The following GIPC2 variants were observed in gnomAD, a reference collection of about 807,000 sequenced individuals.
The protein encoded by GIPC2 is PDZ domain-containing protein GIPC2.
In GIPC2, 30 loss-of-function variants were observed where a neutral mutation model predicts 30.6. That is an observed-to-expected ratio of 0.98 (90% CI 0.73 to 1.33). The LOEUF is 1.33. GIPC2 is among the 40% of genes most tolerant of loss of function. The pLI is 0.00. For missense variants in GIPC2, 414 were observed against 390.3 expected, an observed-to-expected ratio of 1.06 and a Z score of -0.51; for synonymous variants, 167 against 150.0, an observed-to-expected ratio of 1.11 and a Z score of -0.83.
In GIPC2 at chr1:78,097,135, G is replaced by T. The variant is rs114693243; in HGVS notation, c.607+2003G>T. On this transcript the variant is annotated intron_variant, in intron 3 of 5. Coordinates refer to ENST00000370759, the MANE Select transcript of GIPC2 (RefSeq NM_017655.6). ...CAGAGAGGGGAGCATATATCAGGGGGTACTTGGGGAATCAGGCTTCCCCCA... is the reference window on the plus strand; with the variant it reads ...CAGAGAGGGGAGCATATATCAGGGGTTACTTGGGGAATCAGGCTTCCCCCA... Among the ~76,000 whole-genome samples, 950 of 152,270 alleles carry T rather than the reference G, an allele frequency of 6.2e-3. 10 individuals carry two copies. The highest frequency in any genetic ancestry group is 0.022 in the African/African-American group (912 of 41,550).
intron 2 of GIPC2, 127 bp downstream of exon 2, chr1:78,080,987 A>G (rs868616832): frequency 6.1e-6 from 3 of 494,928 alleles, no homozygotes; most frequent in South Asian, 4.2e-5. Context: ...TGAATTGGTA[A>G]TGTTTCACTT....
chr1:78,101,058 G>A (rs765072893), intron 3 of GIPC2, among the ~76,000 whole-genome samples: 14 of 151,278 alleles, frequency 9.3e-5, no homozygotes, highest in Non-Finnish European at 1.3e-4. Context: ...TTGATTGGTC[G>A]CAGAAGCTAT....
In GIPC2 at chr1:78,046,283, C is replaced by G. The variant is rs1214305140; in HGVS notation, c.189C>G (p.Ile63Met). Residue 63 changes from isoleucine to methionine, a missense_variant, in exon 1 of 6, where the codon ATC becomes ATG. Transcript: ENST00000370759. Reference sequence around the variant, plus strand: ...GCCGAGTGGAGGGCTTCTCCAGCATCCAGGAGCTCTACGCCCAGATCGCGG... The same window carrying G: ...GCCGAGTGGAGGGCTTCTCCAGCATGCAGGAGCTCTACGCCCAGATCGCGG... ...ATGRVEGFSSIQELYAQIAGA... is the reference protein window; with the variant it reads ...ATGRVEGFSSMQELYAQIAGA... 1 of 1,612,032 alleles carries G rather than the reference C, an allele frequency of 6.2e-7. No individual in the cohort carries two copies. The highest frequency in any genetic ancestry group is 1.1e-5 in the South Asian group (1 of 90,942).
rs576423817 is a variant in GIPC2 at position 78,120,312 on chromosome 1, G to A, written c.714+813G>A. On this transcript the variant is annotated intron_variant, in intron 4 of 5. Coordinates refer to ENST00000370759, the MANE Select transcript of GIPC2 (RefSeq NM_017655.6). The stretch of plus-strand genomic sequence containing the variant: ...TCCTTGCTGTTCCCAAACACTCCAG[G>A]TGTATCCCCATCTCAGGCTCTCAGT... Among the ~76,000 whole-genome samples the A allele has an allele frequency of 5.9e-5, 9 of 152,214 alleles. No homozygotes were observed. The East Asian group carries it at 1.7e-3, about 29-fold the overall frequency.
chr1:78,129,528 A>G (rs937451965), intron 5 of GIPC2, among the ~76,000 whole-genome samples: 44 of 152,112 alleles, frequency 2.9e-4, no homozygotes, highest in African/African-American at 9.1e-4. Flanking sequence ...AAAAAAGATT[A>G]AGAGGTGTTT....
chr1:78,130,295 G>T (rs1408412877), intron 5 of GIPC2, among the ~76,000 whole-genome samples: 2 of 151,756 alleles, frequency 1.3e-5, no homozygotes, highest in East Asian at 3.9e-4. Context: ...GTAGAGATGG[G>T]GTTTCACCAT....
intron 1 of GIPC2, among the ~76,000 whole-genome samples, chr1:78,051,198 AG>A (rs1397673550): frequency 6.6e-6 from 1 of 152,132 alleles, no homozygotes; most frequent in African/African-American, 2.4e-5. Flanking sequence ...AAAAAAAAAA[AG>A]AAATGATGTC....
chr1:78,092,308 T>TTAATATTCC (rs1221637882), intron 2 of GIPC2, among the ~76,000 whole-genome samples: 1 of 152,196 alleles, frequency 6.6e-6, no homozygotes, highest in East Asian at 1.9e-4. Flanking sequence ...TAATGGAAGA[T>TTAATATTCC]ATTATAATAA....
chr1:78,108,778 G>A (rs984340585), intron 3 of GIPC2, among the ~76,000 whole-genome samples: 2 of 152,176 alleles, frequency 1.3e-5, no homozygotes, highest in African/African-American at 4.8e-5. Flanking sequence ...GGGAGCATGT[G>A]TTTATGGACA....
chr1:78,082,575 C>T (rs190313556), intron 2 of GIPC2, among the ~76,000 whole-genome samples: 4 of 152,294 alleles, frequency 2.6e-5, no homozygotes, highest in Admixed American at 1.3e-4. Flanking sequence ...GTTTCACAAA[C>T]GTGTGTGGAT....
chr1:78,096,920 A>G (rs1457981835), intron 3 of GIPC2, among the ~76,000 whole-genome samples: 2 of 152,026 alleles, frequency 1.3e-5, no homozygotes, highest in Non-Finnish European at 2.9e-5. Flanking sequence ...GTCTTTATGC[A>G]TTTTCTGTGC....
rs540942926 is a variant in GIPC2 at position 78,091,910 on chromosome 1, A to T, written c.427-3042A>T. ...TGATTCTGAAGCTACAACATTTTCCATTTTCTATTAACAACACTCTGTTCC... is the reference window on the plus strand; with the variant it reads ...TGATTCTGAAGCTACAACATTTTCCTTTTTCTATTAACAACACTCTGTTCC... On this transcript the variant is annotated intron_variant, in intron 2 of 5. Coordinates refer to ENST00000370759, the MANE Select transcript of GIPC2 (RefSeq NM_017655.6). 7 of 819,516 alleles carry T rather than the reference A, an allele frequency of 8.5e-6. No homozygotes were observed. In the East Asian group the frequency reaches 1.7e-4, roughly 20 times the overall value. The allele number at this position is 819,516 out of a possible 1,614,324, so 50.8% of individuals were successfully genotyped here. A position where few individuals can be genotyped will look rare whatever the true frequency, so the allele number is the denominator to read the frequency against.
chr1:78,137,175 G>A lies in GIPC2; in HGVS notation c.*1432G>A, dbSNP rs1335914728. On this transcript the variant is annotated 3_prime_UTR_variant, in exon 6 of 6. Coordinates refer to ENST00000370759, the MANE Select transcript of GIPC2 (RefSeq NM_017655.6). ...TAGTCATTAATGTGTAACAAAAGTA[G>A]CTTATAGAATATGGACTGCCTTATT... is the stretch of plus-strand genomic sequence containing the variant. 1 of 152,094 alleles carries A rather than the reference G, an allele frequency of 6.6e-6. No individual in the cohort carries two copies. Among genetic ancestry groups the A allele is most frequent in the South Asian group, 2.1e-4 (1 of 4,822 alleles). The allele number at this position is 152,094 out of a possible 1,614,324, so 9.4% of individuals were successfully genotyped here.
At chr1:78,050,163 G>T (rs762805432) in intron 1 of GIPC2, among the ~76,000 whole-genome samples, 8 of 151,504 alleles carry the variant, frequency 5.3e-5, no homozygotes, top group Non-Finnish European at 5.9e-5. Context: ...CCCAAAGTGA[G>T]CTGGGATTAC....
chr1:78,085,452 T>C lies in GIPC2; in HGVS notation c.426+4592T>C, dbSNP rs77045593. ...GGATGATGTGGCCTCATAGAATGAA[T>C]TGGGGAGGAGTCCCTCCTCCTCAGT... On this transcript the variant is annotated intron_variant, in intron 2 of 5. Coordinates refer to ENST00000370759, the MANE Select transcript of GIPC2 (RefSeq NM_017655.6). Among the ~76,000 whole-genome samples the C allele has an allele frequency of 6.2e-3, 944 of 152,270 alleles. 12 individuals are homozygous for C. Among genetic ancestry groups the C allele is most frequent in the African/African-American group, 0.021 (892 of 41,558 alleles).
At chr1:78,125,689 C>G (rs898799121) in intron 4 of GIPC2, among the ~76,000 whole-genome samples, 192 bp from the exon 5 acceptor site, 6 of 152,108 alleles carry the variant, frequency 3.9e-5, no homozygotes, top group Non-Finnish European at 8.8e-5. Flanking sequence ...ACACTTAGTG[C>G]TGACACTAGA....
At chr1:78,080,895 A>T (rs1557535653) in intron 2 of GIPC2, 35 bp downstream of exon 2, 1 of 1,260,176 alleles carries the variant, frequency 7.9e-7, no homozygotes, top group Non-Finnish European at 1.1e-6. Flanking sequence ...AACCTAATTG[A>T]GGATAACATT....
intron 3 of GIPC2, among the ~76,000 whole-genome samples, chr1:78,112,184 A>C (rs752429689): frequency 3.3e-5 from 5 of 152,242 alleles, no homozygotes; most frequent in Non-Finnish European, 7.3e-5. Context: ...TTCATTTCAC[A>C]GTTTGGAACT....
intron 4 of GIPC2, among the ~76,000 whole-genome samples, chr1:78,125,293 G>A (rs1662761765): frequency 6.6e-6 from 1 of 152,118 alleles, no homozygotes; most frequent in Admixed American, 6.5e-5. Flanking sequence ...TCCTGTTTCA[G>A]CCTCCCAAGT....
Sources: gnomAD v4.1 joint callset for allele counts (sites outside exome capture counted in the v4.1 genomes callset) on GRCh38, gnomAD v4.1.1 for gene constraint, MANE v1.5 for transcripts, NCBI Gene and HGNC (gene_info 2026-07-23, HGNC 2026-07-21) for gene names.